Variants in PIK3C2A observed in about 807,000 individuals in gnomAD.
The protein encoded by PIK3C2A is phosphatidylinositol 4-phosphate 3-kinase C2 domain-containing subunit alpha.
PIK3C2A carries 97 observed loss-of-function variants against 204.5 expected under a neutral mutation model. That is an observed-to-expected ratio of 0.47 (90% CI 0.40 to 0.56). The LOEUF (loss-of-function observed/expected upper bound fraction) is 0.56, where lower values mean the gene tolerates loss of function less well. Ranked by LOEUF, PIK3C2A falls within the 20% of genes least tolerant of loss-of-function variation. The pLI is 0.00. For synonymous variants in PIK3C2A, 653 were observed against 664.4 expected, an observed-to-expected ratio of 0.98 and a Z score of 0.26; for missense variants, 1,735 against 1,969.2, an observed-to-expected ratio of 0.88 and a Z score of 2.25.
At chr11:17,179,147 G>C (rs1034646120) in intron 1 of PIK3C2A, among the ~76,000 whole-genome samples, 1 of 151,798 alleles carries the variant, frequency 6.6e-6, no homozygotes, top group Non-Finnish European at 1.5e-5. Context: ...TTACAGGTGT[G>C]AGCCACCGCA....
intron 23 of PIK3C2A, among the ~76,000 whole-genome samples, chr11:17,104,724 CA>C (rs5789973): frequency 1.9e-3 from 165 of 87,380 alleles, no homozygotes; most frequent in Middle Eastern, 5.9e-3. Context: ...GACTCCATCT[CA>C]AAAAAAAAAA....
chr11:17,128,532 C>T (rs545204445), intron 13 of PIK3C2A, among the ~76,000 whole-genome samples: 2 of 152,292 alleles, frequency 1.3e-5, no homozygotes, highest in East Asian at 3.9e-4. Context: ...AGCCACAGAG[C>T]CCTGCCTAGA....
intron 2 of PIK3C2A, among the ~76,000 whole-genome samples, chr11:17,164,963 A>C (rs1286204190): frequency 6.6e-6 from 1 of 152,160 alleles, no homozygotes; most frequent in Non-Finnish European, 1.5e-5. Flanking sequence ...GAAAAAATAA[A>C]TGTAGGGAGA....
intron 24 of PIK3C2A, among the ~76,000 whole-genome samples, chr11:17,102,122 AT>A (rs536924369): frequency 1.1e-3 from 167 of 152,210 alleles, no homozygotes; most frequent in African/African-American, 6.5e-4. Context: ...GATAAAAAAA[AT>A]ATATGTCCCT....
chr11:17,170,930 C>A (rs750784949), intron 1 of PIK3C2A, among the ~76,000 whole-genome samples: 1 of 151,944 alleles, frequency 6.6e-6, no homozygotes, highest in Non-Finnish European at 1.5e-5. Context: ...AGTGAAACCC[C>A]GTCTCTACTA....
intron 3 of PIK3C2A, among the ~76,000 whole-genome samples, chr11:17,154,083 G>A (rs1231443418): frequency 6.6e-6 from 1 of 152,140 alleles, no homozygotes; most frequent in African/African-American, 2.4e-5. Context: ...TTAAGTGTGT[G>A]CGTGTGTGTG....
At chr11:17,195,032 T>A (rs1852099766) in intron 1 of PIK3C2A, among the ~76,000 whole-genome samples, 1 of 152,196 alleles carries the variant, frequency 6.6e-6, no homozygotes, top group South Asian at 2.1e-4. Context: ...ATTTCCAAGT[T>A]GAGGGTATGA....
chr11:17,160,554 G>C (rs755891402), intron 2 of PIK3C2A, among the ~76,000 whole-genome samples: 4 of 152,192 alleles, frequency 2.6e-5, no homozygotes, highest in Non-Finnish European at 5.9e-5. Context: ...TTAAGGACAG[G>C]TGTGGTAGCT....
intron 2 of PIK3C2A, among the ~76,000 whole-genome samples, chr11:17,167,834 A>G (rs966359042): frequency 6.6e-6 from 1 of 152,156 alleles, no homozygotes; most frequent in Non-Finnish European, 1.5e-5. Context: ...AAAGCAAAAC[A>G]CAAATCTGCA....
rs558247880 is a variant in PIK3C2A, at chr11:17,097,244, C to T, written c.4139G>A (p.Gly1380Glu). The change falls in exon 27 of 33, where the codon GGA (glycine) becomes GAA (glutamate). Residue 1380 changes from glycine to glutamate, a missense_variant. This residue lies in a region of PIK3C2A where 503 missense variants were observed against 669.0 expected (regional missense o/e 0.75). Coordinates refer to ENST00000691414, the MANE Select transcript of PIK3C2A (RefSeq NM_002645.4). ...FFTRLIESSL[G>E]SIATKFNFFI... ...GAAGTTAAACTTTGTGGCAATGCTTCCCAAACTTGATTCAATAAGCCTACA... is the reference window on the plus strand; with the variant it reads ...GAAGTTAAACTTTGTGGCAATGCTTTCCAAACTTGATTCAATAAGCCTACA... 5.6e-6 allele frequency: 9 copies of T among 1,612,126 alleles called. No homozygotes were observed. The highest frequency in any genetic ancestry group is 1.7e-6 in the Non-Finnish European group (2 of 1,178,444).
intron 11 of PIK3C2A, among the ~76,000 whole-genome samples, chr11:17,133,140 A>T (rs949453381): frequency 6.6e-6 from 1 of 152,024 alleles, no homozygotes; most frequent in African/African-American, 2.4e-5. Flanking sequence ...ATTTACTCCT[A>T]TTTATGTCAG....
chr11:17,206,649 G>A (rs1217382489), intron 1 of PIK3C2A, among the ~76,000 whole-genome samples: 1 of 151,558 alleles, frequency 6.6e-6, no homozygotes, highest in African/African-American at 2.4e-5. Context: ...AGTCTCTTGT[G>A]GAGACTTGAA....
intron 1 of PIK3C2A, among the ~76,000 whole-genome samples, chr11:17,180,197 T>A (rs1851488555): frequency 6.6e-6 from 1 of 151,952 alleles, no homozygotes; most frequent in Non-Finnish European, 1.5e-5. Flanking sequence ...ATGTGGTGAA[T>A]CCTTAACTCT....
chr11:17,148,666 C>T lies in PIK3C2A; in HGVS notation c.1448+1G>A. The T allele has an allele frequency of 6.2e-7, 1 of 1,612,312 alleles. No homozygotes were observed. Among genetic ancestry groups the T allele is most frequent in the South Asian group, 1.1e-5 (1 of 90,884 alleles). On this transcript the variant is annotated splice_donor_variant, in intron 5 of 32. Transcript: ENST00000691414. LOFTEE classifies it high-confidence loss of function. ...GTTGCTCAGTAGTTAAATAAACTTA[C>T]TTCTGCAGCACTTCCTCTTGACCAC...
intron 1 of PIK3C2A, among the ~76,000 whole-genome samples, chr11:17,185,359 C>G (rs540572912): frequency 1.2e-4 from 18 of 152,270 alleles, no homozygotes; most frequent in South Asian, 8.3e-4. Flanking sequence ...GTAGATTACA[C>G]CATCAAGATT....
intron 6 of PIK3C2A, among the ~76,000 whole-genome samples, chr11:17,146,589 T>C (rs1027406161): frequency 6.6e-6 from 1 of 151,316 alleles, no homozygotes; most frequent in African/African-American, 2.4e-5. Flanking sequence ...GGTGGGTTGG[T>C]GCATGCCCGC....
chr11:17,182,499 G>A (rs1391990634), intron 1 of PIK3C2A, among the ~76,000 whole-genome samples: 1 of 148,498 alleles, frequency 6.7e-6, no homozygotes, highest in East Asian at 2.0e-4. Flanking sequence ...AGCCCAGCAA[G>A]TTGAGGCTGC....
intron 30 of PIK3C2A, 93 bp from the exon 31 acceptor site, chr11:17,091,749 G>T: frequency 1.2e-6 from 1 of 839,764 alleles, no homozygotes; most frequent in Non-Finnish European, 1.9e-6. Context: ...ACTGTCACAT[G>T]TGGTGCGGAC....
At chr11:17,123,421 GTT>G (rs555389887) in intron 13 of PIK3C2A, among the ~76,000 whole-genome samples, 10 of 121,160 alleles carry the variant, frequency 8.3e-5, no homozygotes, top group African/African-American at 1.8e-4. Context: ...GCTAATTCTT[GTT>G]TTTTTTTTTT....
Sources: gnomAD v4.1 joint callset for allele counts (sites outside exome capture counted in the v4.1 genomes callset) on GRCh38, gnomAD v4.1.1 for gene constraint, gnomAD v4.1.1 regional missense constraint, MANE v1.5 for transcripts, NCBI Gene and HGNC (gene_info 2026-07-23, HGNC 2026-07-21) for gene names.